Variants in CACNA2D3 observed in about 807,000 individuals in gnomAD.
The protein encoded by CACNA2D3 is voltage-dependent calcium channel subunit alpha-2/delta-3.
A neutral mutation model predicts 160.6 loss-of-function variants in CACNA2D3; 60 were observed. The observed-to-expected ratio is 0.37, with a 90% CI of 0.30 to 0.46. The LOEUF (loss-of-function observed/expected upper bound fraction) is 0.46. Ranked by LOEUF, CACNA2D3 falls within the 20% of genes least tolerant of loss-of-function variation. The pLI is 1.00. For synonymous variants in CACNA2D3, 558 were observed against 492.9 expected (o/e 1.13, Z -1.75); for missense variants, 1,205 against 1,365.0 (o/e 0.88, Z 1.85).
intron 4 of CACNA2D3, among the ~76,000 whole-genome samples, chr3:54,460,942 T>C (rs191334740): frequency 6.6e-6 from 1 of 152,316 alleles, no homozygotes; most frequent in Admixed American, 6.5e-5. Context: ...TATTTTGAGA[T>C]ACGTCCCATC....
Position 54,122,743 on chromosome 3 carries a change from G to A in CACNA2D3, c.30G>A (p.Ala10=), listed in dbSNP as rs1197781958. The change falls in exon 1 of 38, where the codon GCG becomes GCA. Residue 10 remains alanine (A), a synonymous_variant. Coordinates refer to ENST00000474759, the MANE Select transcript of CACNA2D3 (RefSeq NM_018398.3). MAGPGSPRR[A]SRGASALLAA... is the part of the protein sequence containing the mutation. ...CCGGGCCGGGCTCGCCGCGCCGCGC[G>A]TCCCGGGGGGCCTCGGCGCTTCTCG... The A allele has an allele frequency of 8.2e-6, 10 of 1,216,902 alleles. No homozygotes were observed. In the East Asian group the frequency reaches 2.0e-4, roughly 24 times the overall value. The allele number at this position is 1,216,902 out of a possible 1,614,324, so 75.4% of individuals were successfully genotyped here. A position where few individuals can be genotyped will look rare whatever the true frequency, so the allele number is the denominator to read the frequency against.
intron 5 of CACNA2D3, among the ~76,000 whole-genome samples, chr3:54,530,856 A>C (rs1701795099): frequency 6.6e-6 from 1 of 152,196 alleles, no homozygotes; most frequent in African/African-American, 2.4e-5. Flanking sequence ...CTAAGCTGAA[A>C]AAAGCTGTGT....
At chr3:54,717,729 T>TG (rs1347373849) in intron 11 of CACNA2D3, among the ~76,000 whole-genome samples, 2 of 136,784 alleles carry the variant, frequency 1.5e-5, no homozygotes, top group African/African-American at 5.4e-5. Context: ...GTGTGCGGTG[T>TG]GTGTGTGCAT....
intron 2 of CACNA2D3, among the ~76,000 whole-genome samples, chr3:54,161,917 G>A (rs1023485195): frequency 6.6e-6 from 1 of 152,158 alleles, no homozygotes; most frequent in Non-Finnish European, 1.5e-5. Context: ...AGCTGTAGGT[G>A]CCAAGGTTTA....
intron 34 of CACNA2D3, among the ~76,000 whole-genome samples, chr3:55,017,138 A>G (rs1273403006): frequency 6.6e-6 from 1 of 152,228 alleles, no homozygotes; most frequent in Non-Finnish European, 1.5e-5. Context: ...TCCTACAAAA[A>G]CAATAGCTGA....
intron 9 of CACNA2D3, among the ~76,000 whole-genome samples, chr3:54,612,279 G>A (rs1170760121): frequency 2.0e-5 from 3 of 152,182 alleles, no homozygotes; most frequent in East Asian, 3.9e-4. Context: ...GATCTGGGCC[G>A]GTTTCAGGGC....
intron 2 of CACNA2D3, among the ~76,000 whole-genome samples, chr3:54,168,000 A>G (rs1700491573): frequency 6.6e-6 from 1 of 151,938 alleles, no homozygotes; most frequent in South Asian, 2.1e-4. Context: ...TCTTCAGTCC[A>G]CTGTCTTCTC....
At chr3:54,682,866 A>G (rs981639739) in intron 11 of CACNA2D3, among the ~76,000 whole-genome samples, 2 of 152,078 alleles carry the variant, frequency 1.3e-5, no homozygotes, top group African/African-American at 4.8e-5. Flanking sequence ...CCATCCCACC[A>G]CCCACTGCCT....
intron 9 of CACNA2D3, among the ~76,000 whole-genome samples, chr3:54,618,552 T>C (rs1698913991): frequency 6.6e-6 from 1 of 152,008 alleles, no homozygotes; most frequent in Admixed American, 6.6e-5. Flanking sequence ...GAATACAAGT[T>C]TTATAAAACG....
intron 9 of CACNA2D3, among the ~76,000 whole-genome samples, chr3:54,596,108 A>C (rs1205339316): frequency 6.6e-6 from 1 of 152,122 alleles, no homozygotes; most frequent in Non-Finnish European, 1.5e-5. Flanking sequence ...GAATGGTGCC[A>C]CTGTGGATCC....
At chr3:54,172,990 C>T (rs1374189276) in intron 2 of CACNA2D3, among the ~76,000 whole-genome samples, 1 of 152,108 alleles carries the variant, frequency 6.6e-6, no homozygotes, top group Admixed American at 6.5e-5. Flanking sequence ...CAGAACTGTC[C>T]CAGTTTTAGC....
At chr3:54,551,217 C>G (rs1702151394) in intron 5 of CACNA2D3, among the ~76,000 whole-genome samples, 1 of 152,196 alleles carries the variant, frequency 6.6e-6, no homozygotes, top group South Asian at 2.1e-4. Flanking sequence ...CCTGCCCACC[C>G]CATGCCTCTG....
At chr3:54,489,148 C>A (rs1701066758) in intron 4 of CACNA2D3, among the ~76,000 whole-genome samples, 2 of 152,196 alleles carry the variant, frequency 1.3e-5, no homozygotes, top group African/African-American at 4.8e-5. Context: ...AGGGCCTCAT[C>A]AGCCGTGCTA....
intron 3 of CACNA2D3, among the ~76,000 whole-genome samples, chr3:54,376,390 T>C (rs1559464566): frequency 6.6e-6 from 1 of 152,220 alleles, no homozygotes; most frequent in Non-Finnish European, 1.5e-5. Context: ...GCTTTCATAG[T>C]GCTATAACCT....
chr3:54,785,254 A>G (rs774235552), intron 13 of CACNA2D3, among the ~76,000 whole-genome samples: 3 of 152,180 alleles, frequency 2.0e-5, no homozygotes, highest in Admixed American at 6.5e-5. Context: ...GGGTCAGAAG[A>G]TGTCCATTTT....
At chr3:54,376,703 G>T (rs1473345) in intron 3 of CACNA2D3, among the ~76,000 whole-genome samples, 34,755 of 152,004 alleles carry the variant, frequency 0.23, 4,100 homozygotes, top group Admixed American at 0.3. Context: ...ATCATCATCA[G>T]CAGCAGCAGC....
intron 27 of CACNA2D3, among the ~76,000 whole-genome samples, chr3:54,907,049 G>A (rs1700462802): frequency 6.6e-6 from 1 of 152,194 alleles, no homozygotes; most frequent in African/African-American, 2.4e-5. Context: ...GCTCCCAAGA[G>A]TTACTGTCCC....
Position 55,073,784 on chromosome 3 carries a change from A to G in CACNA2D3, c.3108A>G (p.Glu1036=). 1 of 1,612,966 alleles carries G rather than the reference A, an allele frequency of 6.2e-7. No homozygotes were observed. The highest frequency in any genetic ancestry group is 8.5e-7 in the Non-Finnish European group (1 of 1,179,080). The change falls in exon 37 of 38, where the codon GAA becomes GAG. Residue 1036 remains glutamate (E), a synonymous_variant. Transcript: ENST00000474759. ...GCCTTAACTACAGTCAACATAATGA[A>G]TCCCTTAAGTGTGAACGTCTAAAGG... The part of the protein sequence containing the change: ...TMAPIEIRYN[E]SLKCERLKAQ...
chr3:54,807,426 T>A (rs1702091465), intron 13 of CACNA2D3, among the ~76,000 whole-genome samples: 1 of 152,198 alleles, frequency 6.6e-6, no homozygotes, highest in African/African-American at 2.4e-5. Context: ...AAAGAAGGCA[T>A]TTATGCAGCC....
Sources: allele counts gnomAD v4.1 joint callset (sites outside exome capture counted in the v4.1 genomes callset), GRCh38; gene constraint gnomAD v4.1.1; transcripts MANE v1.5; gene names NCBI Gene and HGNC (gene_info 2026-07-23, HGNC 2026-07-21).